Variants in KIF13B observed in about 807,000 individuals in gnomAD.
KIF13B encodes kinesin-like protein KIF13B.
In KIF13B, 127 loss-of-function variants were observed where a neutral mutation model predicts 222.0. The ratio of observed to expected loss-of-function variants is 0.57; its 90% confidence interval spans 0.50 to 0.66. The LOEUF (loss-of-function observed/expected upper bound fraction) is 0.66, where lower values mean the gene tolerates loss of function less well. Among genes scored for constraint, KIF13B ranks in the 30% least tolerant of loss-of-function variants. The pLI is 0.00. For missense variants in KIF13B, 2,173 were observed against 2,379.0 expected (o/e 0.91, Z 1.80); for synonymous variants, 976 against 919.0 (o/e 1.06, Z -1.12).
At chr8:29,222,572 A>C (rs1436037650) in intron 2 of KIF13B, among the ~76,000 whole-genome samples, 1 of 107,730 alleles carries the variant, frequency 9.3e-6, no homozygotes. Context: ...ACAGGGTGTC[A>C]CTATATTGCT....
chr8:29,091,546 G>A (rs574590805), intron 37 of KIF13B, among the ~76,000 whole-genome samples: 12 of 152,368 alleles, frequency 7.9e-5, no homozygotes, highest in African/African-American at 2.6e-4. Flanking sequence ...TGGGTTCCCA[G>A]CGCAGGCTGA....
chr8:29,099,340 TA>T, intron 35 of KIF13B, 99 bp from the exon 36 acceptor site: 1 of 764,194 alleles, frequency 1.3e-6, no homozygotes, highest in Non-Finnish European at 2.2e-6. Context: ...TATATATTAC[TA>T]AAGCTCCTTT....
intron 14 of KIF13B, among the ~76,000 whole-genome samples, chr8:29,152,425 GTCAA>G (rs1202492425): frequency 6.6e-6 from 1 of 152,136 alleles, no homozygotes; most frequent in Non-Finnish European, 1.5e-5. Flanking sequence ...GAAAGAAAAA[GTCAA>G]TCAATGTGGC....
intron 22 of KIF13B, 69 bp from the exon 23 acceptor site, chr8:29,132,534 C>T (rs1586821531): frequency 1.0e-6 from 1 of 976,210 alleles, no homozygotes; most frequent in Non-Finnish European, 1.4e-6. Context: ...TTATACCAGA[C>T]ATCACATACT....
chr8:29,075,460 T>A, intron 37 of KIF13B, 117 bp from the exon 38 acceptor site: 1 of 858,418 alleles, frequency 1.2e-6, no homozygotes. Context: ...GCCCATCAGG[T>A]GTGCGAGTGT....
chr8:29,111,928 G>A (rs987092604), intron 32 of KIF13B, among the ~76,000 whole-genome samples: 1 of 152,162 alleles, frequency 6.6e-6, no homozygotes, highest in Non-Finnish European at 1.5e-5. Flanking sequence ...ATCTATTACA[G>A]GCCCAAGACC....
chr8:29,139,652 G>C (rs956313924), intron 21 of KIF13B, among the ~76,000 whole-genome samples: 2 of 152,166 alleles, frequency 1.3e-5, no homozygotes, highest in Non-Finnish European at 2.9e-5. Context: ...AAAGAGGACT[G>C]GTTCTAGGAT....
chr8:29,217,655 G>A (rs991359860), intron 2 of KIF13B, among the ~76,000 whole-genome samples: 1 of 152,216 alleles, frequency 6.6e-6, no homozygotes, highest in Non-Finnish European at 1.5e-5. Context: ...AAAAGTAAGA[G>A]AGAACATCTT....
chr8:29,130,383 T>C, intron 24 of KIF13B, 150 bp downstream of exon 24: 2 of 806,472 alleles, frequency 2.5e-6, no homozygotes, highest in Non-Finnish European at 3.9e-6. Context: ...TTAATAGCAA[T>C]ACTTGTGACA....
At chr8:29,130,451 G>A in intron 24 of KIF13B, 82 bp downstream of exon 24, 2 of 1,388,264 alleles carry the variant, frequency 1.4e-6, no homozygotes, top group Non-Finnish European at 2.0e-6. Flanking sequence ...TTTCATTATT[G>A]CCAACATTTC....
chr8:29,079,749 C>T (rs994747413), intron 37 of KIF13B, among the ~76,000 whole-genome samples: 7 of 152,174 alleles, frequency 4.6e-5, no homozygotes, highest in African/African-American at 1.7e-4. Context: ...ACCCCTTACC[C>T]TGAATTTCAG....
intron 2 of KIF13B, among the ~76,000 whole-genome samples, chr8:29,237,382 C>T (rs146176524): frequency 5.4e-4 from 82 of 152,166 alleles, no homozygotes; most frequent in Middle Eastern, 3.4e-3. Context: ...CCACTTTATG[C>T]TGAGTCCAGA....
At chr8:29,109,600 T>G in intron 33 of KIF13B, 89 bp from the exon 34 acceptor site, 3 of 1,007,176 alleles carry the variant, frequency 3.0e-6, no homozygotes, top group Non-Finnish European at 3.2e-6. Flanking sequence ...GCAACCCCCA[T>G]CTATACAGAC....
At chr8:29,157,974 C>T (rs1312411002) in intron 13 of KIF13B, among the ~76,000 whole-genome samples, 1 of 152,214 alleles carries the variant, frequency 6.6e-6, no homozygotes, top group Non-Finnish European at 1.5e-5. Flanking sequence ...TCACCATCTT[C>T]CCCTCACAGA....
chr8:29,218,489 T>C (rs1814595217), intron 2 of KIF13B, among the ~76,000 whole-genome samples: 1 of 152,152 alleles, frequency 6.6e-6, no homozygotes, highest in Admixed American at 6.5e-5. Context: ...AGACAGAAGA[T>C]GTTAGTTTAA....
At chr8:29,234,898 A>G (rs1443387229) in intron 2 of KIF13B, among the ~76,000 whole-genome samples, 3 of 152,160 alleles carry the variant, frequency 2.0e-5, no homozygotes, top group African/African-American at 7.2e-5. Context: ...GTGTTGCCAG[A>G]TTCAGATTAT....
chr8:29,221,933 C>T (rs889414908), intron 2 of KIF13B, among the ~76,000 whole-genome samples: 4 of 152,040 alleles, frequency 2.6e-5, no homozygotes, highest in Non-Finnish European at 2.9e-5. Flanking sequence ...CTTGAATAGT[C>T]GGTAGTTTTC....
intron 36 of KIF13B, among the ~76,000 whole-genome samples, chr8:29,097,092 A>C (rs1808567216): frequency 6.6e-6 from 1 of 152,222 alleles, no homozygotes; most frequent in African/African-American, 2.4e-5. Flanking sequence ...CTTTTAATTT[A>C]AAGACAAACA....
Position 29,070,745 on chromosome 8 carries a change from C to T in KIF13B, c.5240G>A (p.Gly1747Asp), listed in dbSNP as rs752592040. ...LPSGKNDGSIGGKQYFRCNPG... is the reference protein window; with the variant it reads ...LPSGKNDGSIDGKQYFRCNPG... ...GTTACACCTGAAGTACTGCTTCCCG[C>T]CGATGGAACCGTCATTCTTACCTGC... The change falls in exon 40 of 40, where the codon GGC becomes GAC. Residue 1747 changes from glycine to aspartate, a missense_variant. Transcript: ENST00000524189. This position sits in a 1 kb window ranked among gnomAD's most constrained non-coding sequence, Gnocchi z 4.1. The T allele has an allele frequency of 7.6e-6, 12 of 1,585,218 alleles. No individual in the cohort carries two copies. The South Asian group carries it at 9.2e-5, about 12-fold the overall frequency.
Sources: allele counts gnomAD v4.1 joint callset (sites outside exome capture counted in the v4.1 genomes callset), GRCh38; gene constraint gnomAD v4.1.1; non-coding constraint Gnocchi (gnomAD v3.1); transcripts MANE v1.5; gene names NCBI Gene and HGNC (gene_info 2026-07-23, HGNC 2026-07-21).